Variants in MOSMO observed in about 807,000 individuals in gnomAD.
MOSMO encodes modulator of smoothened protein.
A neutral mutation model predicts 18.4 loss-of-function variants in MOSMO; 5 were observed. The observed-to-expected ratio is 0.27, with a 90% confidence interval of 0.14 to 0.57. The LOEUF (loss-of-function observed/expected upper bound fraction) is 0.57, where lower values mean the gene tolerates loss of function less well. MOSMO is among the 20% of genes least tolerant of loss of function. MOSMO has a pLI of 0.92. For synonymous variants in MOSMO, 82 were observed against 82.3 expected, an observed-to-expected ratio of 1.00 and a Z score of 0.02; for missense variants, 138 against 211.8, an observed-to-expected ratio of 0.65 and a Z score of 2.16.
At chr16:22,070,859 G>A (rs1900835066) in intron 1 of MOSMO, among the ~76,000 whole-genome samples, 1 of 152,140 alleles carries the variant, frequency 6.6e-6, no homozygotes, top group Non-Finnish European at 1.5e-5. Flanking sequence ...GCCAGCGTCT[G>A]ACTTACCCAG....
downstream of MOSMO, among the ~76,000 whole-genome samples, chr16:22,091,410 G>T (rs1240611669): frequency 1.3e-5 from 2 of 152,152 alleles, no homozygotes; most frequent in Non-Finnish European, 2.9e-5. Context: ...TTGAGACAGG[G>T]TCTTGCTCTG....
chr16:22,062,504 G>A (rs1466375794), intron 1 of MOSMO, among the ~76,000 whole-genome samples: 2 of 151,958 alleles, frequency 1.3e-5, no homozygotes, highest in Admixed American at 1.3e-4. Context: ...TTTAGTTTTT[G>A]TAGAGATAAA....
intron 1 of MOSMO, among the ~76,000 whole-genome samples, chr16:22,024,075 A>C (rs1042815997): frequency 2.0e-5 from 3 of 149,636 alleles, no homozygotes; most frequent in Admixed American, 2.0e-4. Flanking sequence ...TACATTCTTA[A>C]TTCTGATATA....
intron 1 of MOSMO, among the ~76,000 whole-genome samples, chr16:22,018,641 G>C (rs1899690017): frequency 6.6e-6 from 1 of 152,164 alleles, no homozygotes; most frequent in Admixed American, 6.5e-5. Flanking sequence ...GAAATAATCA[G>C]AGAGATTATG....
intron 1 of MOSMO, among the ~76,000 whole-genome samples, chr16:22,043,362 A>G (rs890215419): frequency 2.0e-5 from 3 of 152,196 alleles, no homozygotes; most frequent in Non-Finnish European, 4.4e-5. Context: ...CATTTCTGAC[A>G]TAACTATCAT....
intron 1 of MOSMO, among the ~76,000 whole-genome samples, chr16:22,043,101 A>G (rs1283521868): frequency 6.6e-6 from 1 of 152,194 alleles, no homozygotes; most frequent in Non-Finnish European, 1.5e-5. Flanking sequence ...GCAACTTCTT[A>G]CCCTGTAAAG....
At chr16:22,020,213 TC>T (rs1899728365) in intron 1 of MOSMO, among the ~76,000 whole-genome samples, 1 of 135,714 alleles carries the variant, frequency 7.4e-6, no homozygotes, top group African/African-American at 2.7e-5. Context: ...AAACTCCATC[TC>T]CAAAAAAAAA....
intron 1 of MOSMO, among the ~76,000 whole-genome samples, chr16:22,017,877 T>A (rs1426641462): frequency 6.6e-6 from 1 of 151,946 alleles, no homozygotes; most frequent in Non-Finnish European, 1.5e-5. Flanking sequence ...TGCTTTAGAG[T>A]TGACAAAAAA....
rs573457693 is a variant in MOSMO, at chr16:22,036,915, G to A, written c.106+28508G>A. Among the ~76,000 whole-genome samples the A allele has an allele frequency of 3.2e-4, 48 of 152,282 alleles. No homozygotes were observed. The South Asian group carries it at 8.3e-3, about 26-fold the overall frequency. On this transcript the variant is annotated intron_variant, in intron 1 of 2. Transcript: ENST00000542527. ...GTTGTCAAACCAGAGAATCTGCCTA[G>A]TGGGCAGGTGAAACTCATAAGTCAG...
At chr16:22,011,687 G>C (rs1208668837) in intron 1 of MOSMO, among the ~76,000 whole-genome samples, 1 of 152,084 alleles carries the variant, frequency 6.6e-6, no homozygotes. Context: ...TTTTCTAAAA[G>C]TTTTCCTTGC....
At chr16:22,050,049 A>C (rs1900391728) in intron 1 of MOSMO, among the ~76,000 whole-genome samples, 1 of 152,206 alleles carries the variant, frequency 6.6e-6, no homozygotes, top group Admixed American at 6.5e-5. Flanking sequence ...TTCAAAACTG[A>C]CTTTAATTTT....
chr16:22,030,571 C>G (rs1899973064), intron 1 of MOSMO, among the ~76,000 whole-genome samples: 1 of 152,158 alleles, frequency 6.6e-6, no homozygotes, highest in African/African-American at 2.4e-5. Context: ...GAGTCTCACC[C>G]TGTTGCCCAG....
chr16:22,069,117 A>C (rs1900799625), intron 1 of MOSMO, among the ~76,000 whole-genome samples: 1 of 152,160 alleles, frequency 6.6e-6, no homozygotes, highest in African/African-American at 2.4e-5. Context: ...GAGGACAAGC[A>C]CTCAACTCAG....
intron 1 of MOSMO, among the ~76,000 whole-genome samples, chr16:22,039,863 T>A (rs1297796485): frequency 6.6e-6 from 1 of 152,224 alleles, no homozygotes; most frequent in African/African-American, 2.4e-5. Context: ...ATTTTTCTTA[T>A]GGCATTTATG....
At chr16:22,014,750 TAAAC>T (rs1899604023) in intron 1 of MOSMO, among the ~76,000 whole-genome samples, 1 of 152,206 alleles carries the variant, frequency 6.6e-6, no homozygotes, top group Non-Finnish European at 1.5e-5. Context: ...CATCAGTTGT[TAAAC>T]AAACCTATCT....
intron 1 of MOSMO, among the ~76,000 whole-genome samples, chr16:22,014,163 T>C (rs927655338): frequency 6.6e-6 from 1 of 152,022 alleles, no homozygotes; most frequent in Non-Finnish European, 1.5e-5. Context: ...AAAGACAAAA[T>C]GTTGGATCAC....
At chr16:22,022,918 T>C (rs2141987140) in intron 1 of MOSMO, among the ~76,000 whole-genome samples, 1 of 152,298 alleles carries the variant, frequency 6.6e-6, no homozygotes, top group Non-Finnish European at 1.5e-5. Flanking sequence ...AGCCACCTGG[T>C]CCTTTGTTAC....
intron 1 of MOSMO, among the ~76,000 whole-genome samples, chr16:22,062,100 G>T (rs945910393): frequency 6.6e-6 from 1 of 152,076 alleles, no homozygotes; most frequent in Non-Finnish European, 1.5e-5. Context: ...CCTCATATTT[G>T]TGAGGCTCTA....
Position 22,075,521 on chromosome 16 carries a change from A to T in MOSMO, c.141A>T (p.Gln47His). The change falls in exon 2 of 3, where the codon CAA (glutamine) becomes CAT (histidine). Residue 47 changes from glutamine (Q) to histidine (H), a missense_variant. By Grantham distance (24) the Gln-to-His change is conservative. Transcript: ENST00000542527. The stretch of plus-strand genomic sequence containing the variant: ...CTGTGGGCCTCGTGCGACAGTGTCA[A>T]ACAATCCATGGACGAGACCGGACGT... ...ALTVGLVRQC[Q>H]TIHGRDRTCI... 6.5e-7 allele frequency: 1 copy of T among 1,537,316 alleles called. No individual in the cohort carries two copies. Among genetic ancestry groups the T allele is most frequent in the African/African-American group, 1.4e-5 (1 of 73,178 alleles).
Sources: allele counts gnomAD v4.1 joint callset (sites outside exome capture counted in the v4.1 genomes callset), GRCh38; gene constraint gnomAD v4.1.1; transcripts MANE v1.5; gene names NCBI Gene and HGNC (gene_info 2026-07-23, HGNC 2026-07-21).